Variants in WDR47 observed in about 807,000 individuals in gnomAD.
The protein encoded by WDR47 is WD repeat domain 47, also known as WD repeat-containing protein 47.
A neutral mutation model predicts 97.2 loss-of-function variants in WDR47; 32 were observed. The ratio of observed to expected loss-of-function variants is 0.33; its 90% confidence interval spans 0.25 to 0.44. WDR47 has a LOEUF of 0.44. Among genes scored for constraint, WDR47 ranks in the 20% least tolerant of loss-of-function variants. WDR47 has a pLI of 1.00. For missense variants in WDR47, 782 were observed against 1,102.3 expected (o/e 0.71, Z 4.11); for synonymous variants, 375 against 373.5 (o/e 1.00, Z -0.05).
At chr1:109,001,576 TAAG>T (rs1273394481) in intron 7 of WDR47, among the ~76,000 whole-genome samples, 1 of 152,046 alleles carries the variant, frequency 6.6e-6, no homozygotes, top group Admixed American at 6.6e-5. Flanking sequence ...GGTAACCTTG[TAAG>T]AAGGTTAGAA....
chr1:109,026,747 T>C (rs998256333), intron 1 of WDR47, among the ~76,000 whole-genome samples: 2 of 152,200 alleles, frequency 1.3e-5, no homozygotes, highest in African/African-American at 4.8e-5. Flanking sequence ...ATAGGCTTCA[T>C]ATTCAACATT....
At chr1:108,974,499 A>G (rs1657730754) in intron 14 of WDR47, 37 bp downstream of exon 14, 5 of 1,573,046 alleles carry the variant, frequency 3.2e-6, no homozygotes, top group Non-Finnish European at 4.4e-6. Flanking sequence ...CAAATAGAAC[A>G]GGAAAGACTA....
At chr1:109,035,724 G>C (rs762777967) in intron 1 of WDR47, among the ~76,000 whole-genome samples, 1 of 151,780 alleles carries the variant, frequency 6.6e-6, no homozygotes, top group Non-Finnish European at 1.5e-5. Flanking sequence ...TCGAACTCCC[G>C]ACCTCAGGTG....
intron 6 of WDR47, 102 bp from the exon 7 acceptor site, chr1:109,002,504 A>T: frequency 1.1e-6 from 1 of 949,136 alleles, no homozygotes; most frequent in South Asian, 2.4e-5. Flanking sequence ...ACAATTAGCT[A>T]TATTTAACAA....
At chr1:109,006,443 T>C (rs1028814444) in intron 5 of WDR47, among the ~76,000 whole-genome samples, 3 of 152,196 alleles carry the variant, frequency 2.0e-5, no homozygotes, top group Non-Finnish European at 2.9e-5. Flanking sequence ...TGCTATGAAT[T>C]ACTAATGGCC....
At chr1:109,020,871 AG>A (rs1661785904) in intron 2 of WDR47, among the ~76,000 whole-genome samples, 1 of 143,728 alleles carries the variant, frequency 7.0e-6, no homozygotes. Context: ...CCTTTTCATA[AG>A]CTAGGAACAC....
chr1:108,976,857 G>T (rs901137973), intron 13 of WDR47, among the ~76,000 whole-genome samples: 1 of 152,138 alleles, frequency 6.6e-6, no homozygotes, highest in Non-Finnish European at 1.5e-5. Flanking sequence ...GAATTGAAAA[G>T]AAAAAAGTAA....
At position 108,986,574 on chromosome 1, in the gene WDR47, G is replaced by A; in HGVS notation, c.1874C>T (p.Ser625Leu). Residue 625 changes from serine to leucine, a missense_variant, in exon 10 of 15, where the codon TCA becomes TTA. By Grantham distance (145) the Ser-to-Leu change is moderately radical. This residue lies in a region of WDR47 where 228 missense variants were observed against 396.7 expected (regional missense o/e 0.57). Coordinates refer to ENST00000369962, the MANE Select transcript of WDR47 (RefSeq NM_001142551.2). ...HPAGGLYAVG[S>L]NSKTLRVCAY... ...ACATACTCTCAGAGTTTTTGAATTT[G>A]AACCAACAGCATATAAACCTCCAGC... 1 of 1,613,668 alleles carries A rather than the reference G, an allele frequency of 6.2e-7. No homozygotes were observed. The highest frequency in any genetic ancestry group is 8.5e-7 in the Non-Finnish European group (1 of 1,179,784).
At chr1:109,005,819 A>C (rs1348553471) in intron 5 of WDR47, among the ~76,000 whole-genome samples, 1 of 152,172 alleles carries the variant, frequency 6.6e-6, no homozygotes, top group African/African-American at 2.4e-5. Flanking sequence ...CAGCGAGCCG[A>C]GATCACGCGA....
intron 1 of WDR47, 73 bp from the exon 2 acceptor site, chr1:109,023,594 C>A: frequency 3.5e-6 from 5 of 1,447,598 alleles, no homozygotes; most frequent in Non-Finnish European, 4.7e-6. Context: ...CTGGCAACTA[C>A]ACATAACAGG....
chr1:108,983,740 C>T lies in WDR47; in HGVS notation c.1926-289G>A. Among the ~76,000 whole-genome samples, 2 of 149,654 alleles carry T rather than the reference C, an allele frequency of 1.3e-5. 1 individual carries two copies. The highest frequency in any genetic ancestry group is 3.0e-5 in the Non-Finnish European group (2 of 67,546). On this transcript the variant is annotated intron_variant, in intron 10 of 14. Coordinates refer to ENST00000369962, the MANE Select transcript of WDR47 (RefSeq NM_001142551.2). The stretch of plus-strand genomic sequence containing the variant: ...TCTCATATTTTTCATGGATTTTAAA[C>T]TCAGAAACAAAAAAAATTAAAAAAG...
intron 13 of WDR47, among the ~76,000 whole-genome samples, chr1:108,977,191 G>A (rs781155539): frequency 2.5e-4 from 38 of 151,976 alleles, no homozygotes; most frequent in African/African-American, 8.5e-4. Context: ...TCACTCTGTC[G>A]CCCAGGCTGG....
At chr1:108,978,586 T>G (rs1195363670) in intron 13 of WDR47, among the ~76,000 whole-genome samples, 1 of 152,046 alleles carries the variant, frequency 6.6e-6, no homozygotes, top group Non-Finnish European at 1.5e-5. Flanking sequence ...TGAGTTACAC[T>G]TAAAGCCGGG....
At chr1:108,988,479 G>A (rs1271749805) in intron 9 of WDR47, among the ~76,000 whole-genome samples, 1 of 151,978 alleles carries the variant, frequency 6.6e-6, no homozygotes, top group Non-Finnish European at 1.5e-5. Flanking sequence ...TTAACAGCCT[G>A]GGCAACATGA....
At chr1:108,977,595 T>C (rs1658010088) in intron 13 of WDR47, among the ~76,000 whole-genome samples, 1 of 152,192 alleles carries the variant, frequency 6.6e-6, no homozygotes, top group Non-Finnish European at 1.5e-5. Flanking sequence ...CTCACGCCTA[T>C]AATCCCAGTA....
intron 1 of WDR47, chr1:109,030,160 T>C: frequency 5.9e-6 from 8 of 1,362,384 alleles, no homozygotes; most frequent in Admixed American, 1.9e-5. Context: ...AATTCCTACT[T>C]CATGGGTGTG....
chr1:108,984,549 A>G (rs529133077), intron 10 of WDR47, among the ~76,000 whole-genome samples: 1 of 152,342 alleles, frequency 6.6e-6, no homozygotes, highest in Admixed American at 6.5e-5. Context: ...AAAACAAACA[A>G]GAAGACTGAC....
chr1:109,038,674 GTC>G (rs1171155959), intron 1 of WDR47, among the ~76,000 whole-genome samples: 2 of 149,292 alleles, frequency 1.3e-5, no homozygotes, highest in Non-Finnish European at 3.0e-5. Flanking sequence ...GTGAGACCCT[GTC>G]TCAAAAAATA....
Position 108,971,291 on chromosome 1 carries a change from A to G in WDR47, c.*139T>C, listed in dbSNP as rs1343482076. On this transcript the variant is annotated 3_prime_UTR_variant, in exon 15 of 15. Coordinates refer to ENST00000369962, the MANE Select transcript of WDR47 (RefSeq NM_001142551.2). ...ATAACACCACCCAACACCTCCTATCAGTGGGATACATGGTAATAAGGGGCC... is the reference window on the plus strand; with the variant it reads ...ATAACACCACCCAACACCTCCTATCGGTGGGATACATGGTAATAAGGGGCC... 28 of 1,148,706 alleles carry G rather than the reference A, an allele frequency of 2.4e-5. No homozygotes were observed. The highest frequency in any genetic ancestry group is 3.1e-5 in the Non-Finnish European group (25 of 815,860). The allele number at this position is 1,148,706 out of a possible 1,614,324, so 71.2% of individuals were successfully genotyped here.
Sources: allele counts gnomAD v4.1 joint callset (sites outside exome capture counted in the v4.1 genomes callset), GRCh38; gene constraint gnomAD v4.1.1; regional missense constraint gnomAD v4.1.1; transcripts MANE v1.5; gene names NCBI Gene and HGNC (gene_info 2026-07-23, HGNC 2026-07-21).